The following CCNB1 variants were observed in gnomAD, a reference collection of about 807,000 sequenced individuals.
CCNB1 encodes the protein G2/mitotic-specific cyclin-B1.
A neutral mutation model predicts 44.4 loss-of-function variants in CCNB1; 26 were observed. The observed-to-expected ratio is 0.59, with a 90% CI of 0.43 to 0.81. CCNB1 has a LOEUF of 0.81. CCNB1 is among the 40% of genes least tolerant of loss of function. The pLI is 0.00. For missense variants in CCNB1, 477 were observed against 520.9 expected (o/e 0.92, Z 0.82); for synonymous variants, 195 against 181.4 (o/e 1.08, Z -0.60).
At position 69,177,613 on chromosome 5, in the gene CCNB1, G is replaced by A; in HGVS notation, c.1284G>A (p.Lys428=). 6.2e-7 allele frequency: 1 copy of A among 1,611,160 alleles called. No individual in the cohort carries two copies. Reference sequence around the variant, plus strand: ...CTGCACTAGTTCAAGATTTAGCCAAGGCTGTGGCAAAGGTGTAACTTGTAA... The same window carrying A: ...CTGCACTAGTTCAAGATTTAGCCAAAGCTGTGGCAAAGGTGTAACTTGTAA... ...LNSALVQDLA[K]AVAKV Residue 428 remains lysine, a synonymous_variant, in exon 9 of 9, where the codon AAG becomes AAA. Transcript: ENST00000256442.
chr5:69,175,419 T>G lies in CCNB1; in HGVS notation c.965T>G (p.Leu322Trp), dbSNP rs188539932. ...IGEVDVEQHTLAKYLMELTML... is the reference protein window; with the variant it reads ...IGEVDVEQHTWAKYLMELTML... ...CAGGTTGATGTCGAGCAACATACTTTGGCCAAATACCTGATGGAACTAACT... is the reference window on the plus strand; with the variant it reads ...CAGGTTGATGTCGAGCAACATACTTGGGCCAAATACCTGATGGAACTAACT... Residue 322 changes from leucine to tryptophan, a missense_variant, in exon 7 of 9, where the codon TTG becomes TGG. Physicochemically the swap from Leu to Trp is moderately conservative, Grantham distance 61. Coordinates refer to ENST00000256442, the MANE Select transcript of CCNB1 (RefSeq NM_031966.4). 8.1e-6 allele frequency: 13 copies of G among 1,613,472 alleles called. No homozygotes were observed. The highest frequency in any genetic ancestry group is 1.1e-5 in the Non-Finnish European group (13 of 1,179,888).
At position 69,168,316 on chromosome 5, in the gene CCNB1, A is replaced by C; in HGVS notation, c.336A>C (p.Glu112Asp). The stretch of plus-strand genomic sequence containing the variant: ...AGCCAGAACCTGAGCCTGTTAAAGA[A>C]GAAAAACTTTCGCCTGAGCCTATTT... Reference protein sequence around the residue: ...EPEPEPEPVKEEKLSPEPILV... With the variant: ...EPEPEPEPVKDEKLSPEPILV... The change falls in exon 3 of 9, where the codon GAA (glutamate) becomes GAC (aspartate). Residue 112 changes from glutamate to aspartate, a missense_variant. Coordinates refer to ENST00000256442, the MANE Select transcript of CCNB1 (RefSeq NM_031966.4). 6.2e-7 allele frequency: 1 copy of C among 1,614,132 alleles called. No individual in the cohort carries two copies. The highest frequency in any genetic ancestry group is 8.5e-7 in the Non-Finnish European group (1 of 1,179,954).
At position 69,177,689 on chromosome 5, in the gene CCNB1, C is replaced by A; in HGVS notation, c.*58C>A. On this transcript the variant is annotated 3_prime_UTR_variant, in exon 9 of 9. Coordinates refer to ENST00000256442, the MANE Select transcript of CCNB1 (RefSeq NM_031966.4). ...AAATAAAATTGGCACCATGTGCCAT[C>A]TGTACATATTACTGTTGCATTTACT... 1 of 985,364 alleles carries A rather than the reference C, an allele frequency of 1.0e-6. No individual in the cohort carries two copies. Among genetic ancestry groups the A allele is most frequent in the Non-Finnish European group, 1.6e-6 (1 of 619,260 alleles). 61.0% of individuals were successfully genotyped at this position (985,364 alleles called of 1,614,324 possible).
intron 3 of CCNB1, among the ~76,000 whole-genome samples, chr5:69,169,345 C>G (rs1411064987): frequency 6.6e-6 from 1 of 152,168 alleles, no homozygotes; most frequent in East Asian, 1.9e-4. Context: ...GCGTTAGCCA[C>G]GGCGCCCAGC....
rs377566559 is a variant in CCNB1 at position 69,175,553 on chromosome 5, C to T, written c.1083+16C>T. 39 of 1,610,250 alleles carry T rather than the reference C, an allele frequency of 2.4e-5. No homozygotes were observed. The highest frequency in any genetic ancestry group is 4.5e-5 in the East Asian group (2 of 44,856). On this transcript the variant is annotated intron_variant, in intron 7 of 8. Transcript: ENST00000256442. ...TGGTGAATGGGTAAGCTGTGTCCCACAGAACTCCTAAGCTTTTAAATTTTA... is the reference window on the plus strand; with the variant it reads ...TGGTGAATGGGTAAGCTGTGTCCCATAGAACTCCTAAGCTTTTAAATTTTA...
chr5:69,174,857 T>C lies in CCNB1; in HGVS notation c.706-20T>C, dbSNP rs369325810. On this transcript the variant is annotated intron_variant, in intron 5 of 8. Transcript: ENST00000256442. ...TCCTTTTCAAACATTTTATTCACCC[T>C]ATTGAAATTCCCATTGCAGAATAAT... The C allele has an allele frequency of 1.3e-6, 2 of 1,577,298 alleles. No homozygotes were observed. Among genetic ancestry groups the C allele is most frequent in the African/African-American group, 2.7e-5 (2 of 74,160 alleles).
chr5:69,177,855 G>T lies in CCNB1; in HGVS notation c.*224G>T. On this transcript the variant is annotated 3_prime_UTR_variant, in exon 9 of 9. Transcript: ENST00000256442. The stretch of plus-strand genomic sequence containing the variant: ...TTAAAAACTCCTTTTGGTTTACCTG[G>T]GGATCCAATTGATGTATATGTTTAT... 1 of 458,458 alleles carries T rather than the reference G, an allele frequency of 2.2e-6. No homozygotes were observed. The highest frequency in any genetic ancestry group is 3.6e-5 in the East Asian group (1 of 27,634). The allele number at this position is 458,458 out of a possible 1,614,324, so 28.4% of individuals were successfully genotyped here. A position where few individuals can be genotyped will look rare whatever the true frequency, so the allele number is the denominator to read the frequency against.
At position 69,177,232 on chromosome 5, in the gene CCNB1, G is replaced by C. The variant is rs767075802; in HGVS notation, c.1084-7G>C. ...TGAGCATTTTTAACATTAACTTGTT[G>C]CCTTAGACACCAACTCTACAACATT... On this transcript the variant is annotated splice_region_variant and splice_polypyrimidine_tract_variant and intron_variant, in intron 7 of 8. Transcript: ENST00000256442. 6.7e-7 allele frequency: 1 copy of C among 1,499,908 alleles called. No homozygotes were observed. The highest frequency in any genetic ancestry group is 9.3e-7 in the Non-Finnish European group (1 of 1,079,916). The allele number at this position is 1,499,908 out of a possible 1,614,324, so 92.9% of individuals were successfully genotyped here.
At chr5:69,174,811 C>A in intron 5 of CCNB1, 66 bp from the exon 6 acceptor site, 1 of 1,232,104 alleles carries the variant, frequency 8.1e-7, no homozygotes, top group Non-Finnish European at 1.2e-6. Context: ...TTCTACCTCT[C>A]CTTCATCATA....
intron 6 of CCNB1, 84 bp from the exon 7 acceptor site, chr5:69,175,313 T>A: frequency 8.0e-7 from 1 of 1,252,934 alleles, no homozygotes; most frequent in Non-Finnish European, 1.1e-6. Flanking sequence ...CAAACATTTG[T>A]AGTTAAAGAT....
chr5:69,168,053 T>A lies in CCNB1; in HGVS notation c.167T>A (p.Leu56Gln), dbSNP rs745557563. 6.2e-6 allele frequency: 10 copies of A among 1,614,036 alleles called. 1 individual carries two copies. The South Asian group carries it at 1.1e-4, about 18-fold the overall frequency. The change falls in exon 2 of 9, where the codon CTG becomes CAG. Residue 56 changes from leucine to glutamine, a missense_variant. By Grantham distance (113) the Leu-to-Gln change is moderately radical (BLOSUM62 -2). Coordinates refer to ENST00000256442, the MANE Select transcript of CCNB1 (RefSeq NM_031966.4). ...ATTGGTAACAAAGTCAGTGAACAAC[T>A]GCAGGCCAAAATGCCTATGAAGAAG... The part of the protein sequence containing the change: ...GDIGNKVSEQ[L>Q]QAKMPMKKEA...
intron 7 of CCNB1, among the ~76,000 whole-genome samples, chr5:69,175,982 AATATATATATATATATATAT>A (rs68140968): frequency 4.0e-4 from 47 of 116,410 alleles, no homozygotes; most frequent in Admixed American, 1.2e-3. Flanking sequence ...AAATATATAA[AATATATATATATATATATAT>A]ATATATATAT....
chr5:69,171,281 C>G lies in CCNB1; in HGVS notation c.375C>G (p.Ala125=). The G allele has an allele frequency of 6.2e-7, 1 of 1,607,268 alleles. No individual in the cohort carries two copies. The highest frequency in any genetic ancestry group is 8.5e-7 in the Non-Finnish European group (1 of 1,178,028). The change falls in exon 4 of 9, where the codon GCC becomes GCG. Residue 125 remains alanine (A), a synonymous_variant. Transcript: ENST00000256442. ...LSPEPILVDT[A]SPSPMETSGC... is the part of the protein sequence containing the mutation. Reference sequence around the variant, plus strand: ...CTCTTTGTTTCAAGGTTGATACTGCCTCTCCAAGCCCAATGGAAACATCTG... The same window carrying G: ...CTCTTTGTTTCAAGGTTGATACTGCGTCTCCAAGCCCAATGGAAACATCTG...
At chr5:69,175,150 A>G (rs1477409382) in intron 6 of CCNB1, 37 bp downstream of exon 6, 3 of 1,431,730 alleles carry the variant, frequency 2.1e-6, no homozygotes, top group Non-Finnish European at 2.9e-6. Flanking sequence ...GTATGGGTAC[A>G]TTAGGGGGAA....
chr5:69,169,978 T>TC (rs1561312918), intron 3 of CCNB1, among the ~76,000 whole-genome samples: 1 of 148,824 alleles, frequency 6.7e-6, no homozygotes, highest in African/African-American at 2.5e-5. Flanking sequence ...ATTTTTTTTT[T>TC]CCCAAGACAG....
At chr5:69,173,063 G>A (rs1176106670) in intron 4 of CCNB1, among the ~76,000 whole-genome samples, 6 of 152,074 alleles carry the variant, frequency 3.9e-5, no homozygotes, top group African/African-American at 7.2e-5. Flanking sequence ...GTGAGCCACC[G>A]CGCCCAGCCT....
chr5:69,176,853 C>T (rs373838642), intron 7 of CCNB1, among the ~76,000 whole-genome samples: 31 of 151,984 alleles, frequency 2.0e-4, no homozygotes, highest in African/African-American at 7.5e-4. Context: ...GCAGTGCGCG[C>T]CTGTAATCCC....
intron 4 of CCNB1, among the ~76,000 whole-genome samples, chr5:69,171,900 T>C (rs1747467215): frequency 6.6e-6 from 1 of 152,230 alleles, no homozygotes; most frequent in Admixed American, 6.5e-5. Flanking sequence ...AAATTATTTG[T>C]GCCCAAAAGG....
At chr5:69,172,109 A>G (rs1416050413) in intron 4 of CCNB1, among the ~76,000 whole-genome samples, 1 of 152,064 alleles carries the variant, frequency 6.6e-6, no homozygotes, top group Non-Finnish European at 1.5e-5. Flanking sequence ...ATGGAGTCTC[A>G]CACTGTCGCC....
Sources: gnomAD v4.1 joint callset for allele counts (sites outside exome capture counted in the v4.1 genomes callset) on GRCh38, gnomAD v4.1.1 for gene constraint, MANE v1.5 for transcripts, NCBI Gene and HGNC (gene_info 2026-07-23, HGNC 2026-07-21) for gene names.